ARHGAP22: variants seen among roughly 807,000 people sequenced by gnomAD.
ARHGAP22 encodes the protein rho GTPase-activating protein 22.
ARHGAP22 carries 48 observed loss-of-function variants against 59.1 expected under a neutral mutation model. The ratio of observed to expected loss-of-function variants is 0.81; its 90% confidence interval spans 0.64 to 1.03. ARHGAP22 has a LOEUF of 1.03. ARHGAP22 is among the 50% of genes least tolerant of loss of function. The pLI, the probability that ARHGAP22 is intolerant of heterozygous loss-of-function variation, is 0.00. For missense variants in ARHGAP22, 1,015 were observed against 958.7 expected (o/e 1.06, Z -0.78); for synonymous variants, 445 against 416.4 (o/e 1.07, Z -0.84).
intron 2 of ARHGAP22, among the ~76,000 whole-genome samples, chr10:48,562,929 T>C (rs1382646701): frequency 6.6e-6 from 1 of 152,190 alleles, no homozygotes; most frequent in Non-Finnish European, 1.5e-5. Context: ...TTTCTTACAG[T>C]TCTGGAGGTC....
chr10:48,609,489 C>G (rs2060798780), upstream of ARHGAP22, among the ~76,000 whole-genome samples: 1 of 152,172 alleles, frequency 6.6e-6, no homozygotes. Context: ...GTCTGGGGCT[C>G]TGAATGACTG....
chr10:48,640,244 A>G (rs549489545), intron 1 of ARHGAP22, among the ~76,000 whole-genome samples: 2 of 152,228 alleles, frequency 1.3e-5, no homozygotes, highest in South Asian at 2.1e-4. Context: ...AACATAAAGC[A>G]TGCCAACATA....
At chr10:48,444,531 T>A (rs934928511), downstream of ARHGAP22, 1 of 152,246 alleles carries the variant, frequency 6.6e-6, no homozygotes, top group South Asian at 2.1e-4. Flanking sequence ...TGAGCTCCTA[T>A]CCCTACTGGG....
Position 48,546,684 on chromosome 10 carries a change from G to A in ARHGAP22, c.322+8779C>T, listed in dbSNP as rs569809389. 6.4e-4 allele frequency: 105 copies of A among 164,178 alleles called. 4 individuals are homozygous for A. In the South Asian group the frequency reaches 9.6e-3, roughly 15 times the overall value. The allele number at this position is 164,178 out of a possible 1,614,324, so 10.2% of individuals were successfully genotyped here. On this transcript the variant is annotated intron_variant, in intron 3 of 9. Transcript: ENST00000249601. Reference sequence around the variant, plus strand: ...TTTGCTGAATGCTTTGAACTCTGAGGTTACTTACTGTGCCGTTGGCCAAGG... The same window carrying A: ...TTTGCTGAATGCTTTGAACTCTGAGATTACTTACTGTGCCGTTGGCCAAGG...
Position 48,582,964 on chromosome 10 carries a change from T to A in ARHGAP22, c.223A>T (p.Ile75Phe). 6.2e-7 allele frequency: 1 copy of A among 1,614,254 alleles called. No individual in the cohort carries two copies. The highest frequency in any genetic ancestry group is 8.5e-7 in the Non-Finnish European group (1 of 1,180,038). The change falls in exon 2 of 10, where the codon ATC (isoleucine) becomes TTC (phenylalanine). Residue 75 changes from isoleucine to phenylalanine, a missense_variant. Physicochemically the swap from Ile to Phe is conservative, Grantham distance 21. Transcript: ENST00000249601. ...QLFYYKDKDE[I>F]KPQGFISLQG... ...CATGCACTTCTCACCTGGGGCTTGA[T>A]CTCATCTTTGTCCTTGTAGTAGAAA...
At chr10:48,620,847 A>ACT (rs61271245) in intron 1 of ARHGAP22, among the ~76,000 whole-genome samples, 8,298 of 152,208 alleles carry the variant, frequency 0.055, 726 homozygotes, top group African/African-American at 0.19. Context: ...ACGTCTCCCC[A>ACT]CTCTGGCCAA....
chr10:48,446,663 G>GTGAACCTGGCCCGCAGA, intron 9 of ARHGAP22, 44 bp from the exon 10 acceptor site: 1 of 1,568,630 alleles, frequency 6.4e-7, no homozygotes, highest in Non-Finnish European at 8.7e-7. Flanking sequence ...CTGCGGGCCA[G>GTGAACCTGGCCCGCAGA]GTTCACTGTC....
At chr10:48,511,906 G>A (rs1279410121) in intron 3 of ARHGAP22, among the ~76,000 whole-genome samples, 1 of 152,232 alleles carries the variant, frequency 6.6e-6, no homozygotes, top group African/African-American at 2.4e-5. Flanking sequence ...GTGACAGGCT[G>A]AAGAACAGCA....
chr10:48,615,593 CACAAA>C (rs2061048091), intron 1 of ARHGAP22, among the ~76,000 whole-genome samples: 1 of 152,148 alleles, frequency 6.6e-6, no homozygotes, highest in South Asian at 2.1e-4. Flanking sequence ...AACAAAGCTA[CACAAA>C]GTATGGCTTA....
At chr10:48,457,488 C>T (rs1466209961) in intron 5 of ARHGAP22, among the ~76,000 whole-genome samples, 1 of 152,172 alleles carries the variant, frequency 6.6e-6, no homozygotes, top group Non-Finnish European at 1.5e-5. Context: ...CCCCTCCACC[C>T]CTAGGCCTCC....
At chr10:48,526,792 C>T (rs73298237) in intron 3 of ARHGAP22, among the ~76,000 whole-genome samples, 1,805 of 152,268 alleles carry the variant, frequency 0.012, 40 homozygotes, top group African/African-American at 0.038. Context: ...CCCATTGAAC[C>T]GTTTAAATAT....
At chr10:48,650,122 C>T (rs1399974401) in intron 1 of ARHGAP22, among the ~76,000 whole-genome samples, 3 of 149,254 alleles carry the variant, frequency 2.0e-5, no homozygotes, top group Admixed American at 6.7e-5. Flanking sequence ...GGAGGGGAAG[C>T]CCCCTCCCCC....
upstream of ARHGAP22, chr10:48,605,114 C>G (rs893297689): frequency 2.5e-6 from 3 of 1,213,144 alleles, no homozygotes; most frequent in Non-Finnish European, 3.1e-6. Context: ...CCTGGGCGCA[C>G]GCGTGGCTGT....
At chr10:48,617,203 G>A (rs1447745702) in intron 1 of ARHGAP22, among the ~76,000 whole-genome samples, 1 of 151,934 alleles carries the variant, frequency 6.6e-6, no homozygotes, top group Non-Finnish European at 1.5e-5. Context: ...GATATACAAA[G>A]CAAATATTAT....
chr10:48,571,971 C>T (rs2058422674), intron 2 of ARHGAP22, among the ~76,000 whole-genome samples: 1 of 152,138 alleles, frequency 6.6e-6, no homozygotes. Flanking sequence ...TCTAAGGCCC[C>T]CACCTGACCA....
chr10:48,457,821 C>G (rs2046702853), intron 5 of ARHGAP22, among the ~76,000 whole-genome samples: 1 of 151,802 alleles, frequency 6.6e-6, no homozygotes, highest in African/African-American at 2.4e-5. Context: ...GGGGCCAGGA[C>G]AGAAGCCAAC....
At chr10:48,569,362 A>G (rs570829579) in intron 2 of ARHGAP22, among the ~76,000 whole-genome samples, 3 of 152,342 alleles carry the variant, frequency 2.0e-5, no homozygotes, top group African/African-American at 4.8e-5. Context: ...AAATGTACCC[A>G]TCGTCCTCGG....
intron 1 of ARHGAP22, among the ~76,000 whole-genome samples, chr10:48,637,885 C>T (rs2136134933): frequency 6.6e-6 from 1 of 152,310 alleles, no homozygotes; most frequent in Non-Finnish European, 1.5e-5. Context: ...CTGGCATCAA[C>T]TTACCTTCTT....
intron 4 of ARHGAP22, among the ~76,000 whole-genome samples, chr10:48,476,893 C>T (rs1053989420): frequency 1.3e-5 from 2 of 152,214 alleles, no homozygotes; most frequent in African/African-American, 2.4e-5. Flanking sequence ...CCAGAACATC[C>T]ACCTCCACTT....
Sources: gnomAD v4.1 joint callset for allele counts (sites outside exome capture counted in the v4.1 genomes callset) on GRCh38, gnomAD v4.1.1 for gene constraint, MANE v1.5 for transcripts, NCBI Gene and HGNC (gene_info 2026-07-23, HGNC 2026-07-21) for gene names.